CEP112: variants seen among roughly 807,000 people sequenced by gnomAD.
The protein encoded by CEP112 is centrosomal protein 112, also known as centrosomal protein of 112 kDa.
A neutral mutation model predicts 153.0 loss-of-function variants in CEP112; 127 were observed. That is an observed-to-expected ratio of 0.83 (90% CI 0.72 to 0.96). The LOEUF (loss-of-function observed/expected upper bound fraction) is 0.96. CEP112 is among the 40% of genes least tolerant of loss of function. CEP112 has a pLI of 0.00. For missense variants in CEP112, 1,089 were observed against 1,101.2 expected, an observed-to-expected ratio of 0.99 and a Z score of 0.16; for synonymous variants, 358 against 374.4, an observed-to-expected ratio of 0.96 and a Z score of 0.51.
At chr17:65,969,746 C>T (rs2062579024) in intron 17 of CEP112, among the ~76,000 whole-genome samples, 1 of 152,294 alleles carries the variant, frequency 6.6e-6, no homozygotes, top group Middle Eastern at 3.4e-3. Context: ...GCATACACTA[C>T]ACGAATGCTT....
intron 21 of CEP112, among the ~76,000 whole-genome samples, chr17:65,837,541 G>A (rs981985775): frequency 2.0e-5 from 3 of 152,134 alleles, no homozygotes; most frequent in East Asian, 1.9e-4. Flanking sequence ...CACCCTGTCC[G>A]AGAAGTGAGG....
At chr17:65,859,234 G>C (rs2058222130) in intron 20 of CEP112, among the ~76,000 whole-genome samples, 1 of 151,912 alleles carries the variant, frequency 6.6e-6, no homozygotes, top group East Asian at 1.9e-4. Flanking sequence ...ACGAAGTCAG[G>C]AGTTCAAAAC....
At chr17:65,731,530 G>A (rs1177758553) in intron 23 of CEP112, among the ~76,000 whole-genome samples, 1 of 152,138 alleles carries the variant, frequency 6.6e-6, no homozygotes, top group African/African-American at 2.4e-5. Context: ...GAAGGCTGGG[G>A]TGGCTGTGGC....
At chr17:65,852,249 CCG>C in intron 20 of CEP112, among the ~76,000 whole-genome samples, 1 of 14,572 alleles carries the variant, frequency 6.9e-5, no homozygotes, top group Non-Finnish European at 1.6e-4. Context: ...TTCCTTCCTT[CCG>C]TTCCCTTTCC....
chr17:66,181,508 T>A (rs2072719635), intron 2 of CEP112, among the ~76,000 whole-genome samples: 1 of 148,840 alleles, frequency 6.7e-6, no homozygotes, highest in South Asian at 2.1e-4. Context: ...AACACGCCCA[T>A]CTAATTTTGT....
At chr17:65,693,387 A>G (rs1244116638) in intron 23 of CEP112, among the ~76,000 whole-genome samples, 2 of 151,708 alleles carry the variant, frequency 1.3e-5, no homozygotes, top group African/African-American at 4.8e-5. Context: ...ATTTGGCCCT[A>G]TTCACGCCCA....
intron 11 of CEP112, among the ~76,000 whole-genome samples, chr17:66,056,424 AAC>A (rs1429557500): frequency 2.6e-5 from 4 of 152,324 alleles, no homozygotes; most frequent in East Asian, 1.9e-4. Context: ...AGAATGTAAA[AAC>A]ACACACAAAT....
intron 17 of CEP112, among the ~76,000 whole-genome samples, chr17:65,999,947 C>T (rs9909261): frequency 0.015 from 2,251 of 152,238 alleles, 60 homozygotes; most frequent in African/African-American, 0.052. Flanking sequence ...ATATATATCA[C>T]ATTTTCTTCA....
intron 12 of CEP112, among the ~76,000 whole-genome samples, chr17:66,052,833 G>A (rs76210454): frequency 0.025 from 3,774 of 152,270 alleles, 179 homozygotes; most frequent in African/African-American, 0.086. Context: ...ATGGCCAGGC[G>A]TGGTTGATCA....
At chr17:65,682,711 A>G (rs368604075) in intron 24 of CEP112, among the ~76,000 whole-genome samples, 1 of 152,064 alleles carries the variant, frequency 6.6e-6, no homozygotes, top group Admixed American at 6.6e-5. Context: ...CTCTTCACTG[A>G]TATCACACCT....
At position 65,808,173 on chromosome 17, in the gene CEP112, G is replaced by T. The variant is rs182507333; in HGVS notation, c.2394+43631C>A. ...AGCTTTAAGATTTAATGACTGCCCT[G>T]TTGGGTTTTGGACTTGCGTGGGTCC... is the stretch of plus-strand genomic sequence containing the variant. On this transcript the variant is annotated intron_variant, in intron 21 of 26. Transcript: ENST00000535342. Among the ~76,000 whole-genome samples, 830 of 152,318 alleles carry T rather than the reference G, an allele frequency of 5.4e-3. 10 individuals carry two copies. The highest frequency in any genetic ancestry group is 0.019 in the African/African-American group (792 of 41,574).
At chr17:65,712,587 T>C (rs2049255894) in intron 23 of CEP112, among the ~76,000 whole-genome samples, 1 of 152,222 alleles carries the variant, frequency 6.6e-6, no homozygotes, top group Non-Finnish European at 1.5e-5. Flanking sequence ...CCCTCTTCTA[T>C]CTGACTGGCA....
intron 18 of CEP112, among the ~76,000 whole-genome samples, chr17:65,961,053 C>A (rs918002138): frequency 2.0e-5 from 3 of 151,122 alleles, no homozygotes; most frequent in Admixed American, 6.6e-5. Flanking sequence ...TTGGAGACAG[C>A]CTTTGTTCTT....
intron 23 of CEP112, among the ~76,000 whole-genome samples, chr17:65,718,439 T>C (rs1309997634): frequency 1.3e-5 from 2 of 152,032 alleles, no homozygotes; most frequent in Non-Finnish European, 2.9e-5. Flanking sequence ...CTATTTTTTC[T>C]GTAGAATATA....
intron 6 of CEP112, among the ~76,000 whole-genome samples, chr17:66,128,253 C>T (rs2069947160): frequency 8.7e-6 from 1 of 115,450 alleles, no homozygotes; most frequent in Non-Finnish European, 1.6e-5. Flanking sequence ...CAGTGAGCCA[C>T]AATAGCACCA....
intron 6 of CEP112, among the ~76,000 whole-genome samples, chr17:66,126,365 GT>G (rs770041037): frequency 1.3e-5 from 2 of 151,794 alleles, no homozygotes; most frequent in African/African-American, 4.8e-5. Context: ...AATTTTTAAA[GT>G]TTTTTTTCAA....
intron 21 of CEP112, among the ~76,000 whole-genome samples, chr17:65,835,072 C>T (rs955674446): frequency 3.3e-5 from 5 of 151,822 alleles, no homozygotes; most frequent in Non-Finnish European, 7.4e-5. Context: ...GGCTATTATC[C>T]TTAGAAAACT....
intron 24 of CEP112, among the ~76,000 whole-genome samples, chr17:65,658,434 C>T (rs1211507266): frequency 6.6e-6 from 1 of 152,092 alleles, no homozygotes; most frequent in Admixed American, 6.5e-5. Context: ...AGAATAGAAG[C>T]AAGAGATGAG....
intron 18 of CEP112, among the ~76,000 whole-genome samples, chr17:65,939,181 C>T (rs2061437239): frequency 2.6e-5 from 4 of 151,962 alleles, no homozygotes. Context: ...TTCATTTATT[C>T]AAAGAGGCAA....
Sources: allele counts gnomAD v4.1 joint callset (sites outside exome capture counted in the v4.1 genomes callset), GRCh38; gene constraint gnomAD v4.1.1; transcripts MANE v1.5; gene names NCBI Gene and HGNC (gene_info 2026-07-23, HGNC 2026-07-21).